The following RBFOX1 variants were observed in gnomAD, a reference collection of about 807,000 sequenced individuals.
The protein encoded by RBFOX1 is RNA binding fox-1 homolog 1.
A neutral mutation model predicts 57.7 loss-of-function variants in RBFOX1; 8 were observed. That is an observed-to-expected ratio of 0.14 (90% CI 0.08 to 0.25). The LOEUF (loss-of-function observed/expected upper bound fraction) is 0.25. RBFOX1 is among the 10% of genes least tolerant of loss of function. The pLI, the probability that RBFOX1 is intolerant of heterozygous loss-of-function variation, is 1.00. For synonymous variants in RBFOX1, 326 were observed against 222.4 expected (o/e 1.47, Z -4.15); for missense variants, 611 against 548.5 (o/e 1.11, Z -1.14).
chr16:7,197,307 G>A (rs772363947), intron 4 of RBFOX1, among the ~76,000 whole-genome samples: 12 of 152,242 alleles, frequency 7.9e-5, no homozygotes, highest in African/African-American at 2.2e-4. Context: ...AGCAGGAAGC[G>A]ACTGAGCTTG....
chr16:6,485,329 G>T (rs1395420348), intron 2 of RBFOX1, among the ~76,000 whole-genome samples: 1 of 151,694 alleles, frequency 6.6e-6, no homozygotes, highest in Non-Finnish European at 1.5e-5. Context: ...TGTAGAAGGA[G>T]CTCCTCCCTC....
intron 4 of RBFOX1, among the ~76,000 whole-genome samples, chr16:5,916,196 C>A (rs1433689220): frequency 1.3e-5 from 2 of 151,746 alleles, no homozygotes; most frequent in African/African-American, 4.8e-5. Flanking sequence ...GACACTCTAG[C>A]AAAAAAACCC....
At chr16:6,910,775 G>C (rs8056547) in intron 3 of RBFOX1, among the ~76,000 whole-genome samples, 75,560 of 152,026 alleles carry the variant, frequency 0.5, 19,210 homozygotes, top group East Asian at 0.73. Context: ...AAAACCATCA[G>C]ATCCTACGTC....
chr16:5,647,885 A>G (rs1305779747), intron 3 of RBFOX1, among the ~76,000 whole-genome samples: 1 of 151,986 alleles, frequency 6.6e-6, no homozygotes, highest in African/African-American at 2.4e-5. Flanking sequence ...TTTGAGATGG[A>G]GTTTCATTCT....
chr16:6,225,210 T>A (rs1180553167), intron 1 of RBFOX1, among the ~76,000 whole-genome samples: 1 of 124,972 alleles, frequency 8.0e-6, no homozygotes, highest in Non-Finnish European at 1.7e-5. Context: ...CTAACTGAAC[T>A]GCTAACTGAA....
chr16:7,077,657 C>T (rs190737443), intron 4 of RBFOX1, among the ~76,000 whole-genome samples: 31 of 152,058 alleles, frequency 2.0e-4, no homozygotes, highest in African/African-American at 7.5e-4. Flanking sequence ...AGCAACTTAC[C>T]ATATTAGTGA....
intron 1 of RBFOX1, among the ~76,000 whole-genome samples, chr16:5,430,021 A>T (rs1002802852): frequency 6.6e-6 from 1 of 152,180 alleles, no homozygotes; most frequent in East Asian, 1.9e-4. Flanking sequence ...ACTTTGCAAA[A>T]GGAGTTTGGT....
At chr16:5,250,782 G>A (rs2062431696) in intron 1 of RBFOX1, among the ~76,000 whole-genome samples, 2 of 152,104 alleles carry the variant, frequency 1.3e-5, no homozygotes, top group African/African-American at 2.4e-5. Context: ...GCACCGATAC[G>A]TCTGTGGATG....
At chr16:6,916,918 C>A (rs543608525) in intron 3 of RBFOX1, among the ~76,000 whole-genome samples, 67 of 152,220 alleles carry the variant, frequency 4.4e-4, no homozygotes, top group Non-Finnish European at 8.1e-4. Flanking sequence ...GACATAATCT[C>A]GGCTCACTGC....
At chr16:5,341,557 G>A (rs1212417481) in intron 1 of RBFOX1, among the ~76,000 whole-genome samples, 2 of 152,164 alleles carry the variant, frequency 1.3e-5, no homozygotes, top group Non-Finnish European at 2.9e-5. Flanking sequence ...TTTTATTTGA[G>A]CCATGGCCCA....
intron 2 of RBFOX1, among the ~76,000 whole-genome samples, chr16:5,531,587 C>A (rs2044479483): frequency 6.6e-6 from 1 of 152,188 alleles, no homozygotes; most frequent in Non-Finnish European, 1.5e-5. Context: ...TGTGTCTTAA[C>A]ATCTGCAAGT....
At chr16:5,779,234 A>T (rs2054247567) in intron 3 of RBFOX1, among the ~76,000 whole-genome samples, 1 of 152,128 alleles carries the variant, frequency 6.6e-6, no homozygotes, top group Non-Finnish European at 1.5e-5. Flanking sequence ...TCTGGATCTG[A>T]TCCCTCTGTC....
intron 2 of RBFOX1, among the ~76,000 whole-genome samples, chr16:5,592,665 T>G (rs1567270702): frequency 6.6e-6 from 1 of 152,226 alleles, no homozygotes; most frequent in East Asian, 1.9e-4. Flanking sequence ...GTCCTCTGTT[T>G]GGACCATGCA....
chr16:7,666,461 T>A (rs1408537703), intron 13 of RBFOX1, among the ~76,000 whole-genome samples: 1 of 152,176 alleles, frequency 6.6e-6, no homozygotes, highest in Non-Finnish European at 1.5e-5. Flanking sequence ...GTCCACCTCT[T>A]CACGCCTCAG....
At chr16:7,017,035 T>G (rs1332309753) in intron 3 of RBFOX1, among the ~76,000 whole-genome samples, 1 of 152,196 alleles carries the variant, frequency 6.6e-6, no homozygotes, top group Non-Finnish European at 1.5e-5. Flanking sequence ...GGCTTCATCC[T>G]TCAGCCTCTT....
chr16:6,639,620 T>TA (rs2098470966), intron 2 of RBFOX1, among the ~76,000 whole-genome samples: 2 of 152,226 alleles, frequency 1.3e-5, no homozygotes, highest in South Asian at 4.1e-4. Context: ...CTCACGCCTG[T>TA]AATCCCAGCA....
chr16:7,593,138 G>T (rs918890608), intron 7 of RBFOX1, among the ~76,000 whole-genome samples: 1 of 152,004 alleles, frequency 6.6e-6, no homozygotes, highest in Non-Finnish European at 1.5e-5. Flanking sequence ...TGATGGTTTC[G>T]ATCACACGTA....
chr16:5,530,479 C>T lies in RBFOX1; in HGVS notation c.258+63225C>T, dbSNP rs565405493. On this transcript the variant is annotated intron_variant, in intron 2 of 2. Coordinates refer to the RBFOX1 transcript ENST00000585867. ...CGACAATAGGACATGCATTTCACCT[C>T]TACCCTATAAAGTCTTCAAGCTAAA... Among the ~76,000 whole-genome samples, 128 of 152,304 alleles carry T rather than the reference C, an allele frequency of 8.4e-4. 2 individuals carry two copies. The highest frequency in any genetic ancestry group is 3.0e-3 in the African/African-American group (126 of 41,572).
intron 4 of RBFOX1, among the ~76,000 whole-genome samples, chr16:7,133,445 G>A (rs1248193340): frequency 6.6e-6 from 1 of 152,122 alleles, no homozygotes; most frequent in African/African-American, 2.4e-5. Flanking sequence ...TCATTTAGTA[G>A]CATGTGAATA....
Sources: gnomAD v4.1 joint callset for allele counts (sites outside exome capture counted in the v4.1 genomes callset) on GRCh38, gnomAD v4.1.1 for gene constraint, MANE v1.5 for transcripts, NCBI Gene and HGNC (gene_info 2026-07-23, HGNC 2026-07-21) for gene names.